The following PTGER3 variants were observed in gnomAD, a reference collection of about 807,000 sequenced individuals.
The protein encoded by PTGER3 is prostaglandin E receptor 3.
PTGER3 carries 22 observed loss-of-function variants against 34.7 expected under a neutral mutation model. The ratio of observed to expected loss-of-function variants is 0.63; its 90% confidence interval spans 0.45 to 0.91. The LOEUF is 0.91. PTGER3 is among the 40% of genes least tolerant of loss of function. PTGER3 has a pLI of 0.00. For synonymous variants in PTGER3, 241 were observed against 230.1 expected (o/e 1.05, Z -0.43); for missense variants, 468 against 519.4 (o/e 0.90, Z 0.96).
intron 1 of PTGER3, among the ~76,000 whole-genome samples, chr1:71,015,357 G>A (rs993275682): frequency 2.0e-5 from 3 of 152,194 alleles, no homozygotes; most frequent in Non-Finnish European, 2.9e-5. Context: ...ACATCAACAC[G>A]TAGGAACCCA....
chr1:70,935,066 G>T (rs1649076213), intron 4 of PTGER3, among the ~76,000 whole-genome samples: 1 of 152,072 alleles, frequency 6.6e-6, no homozygotes, highest in Non-Finnish European at 1.5e-5. Flanking sequence ...AGAGAAATAA[G>T]TCCATAGTGA....
chr1:70,934,291 C>A (rs747756254), intron 4 of PTGER3, among the ~76,000 whole-genome samples: 1 of 152,094 alleles, frequency 6.6e-6, no homozygotes, highest in Admixed American at 6.6e-5. Context: ...ATTAGGCTAC[C>A]GCATATTGTT....
rs578104837 is a variant in PTGER3, at chr1:71,019,817, G to C, written c.898-7333C>G. Among the ~76,000 whole-genome samples, 130 of 152,114 alleles carry C rather than the reference G, an allele frequency of 8.5e-4. 1 individual carries two copies. The highest frequency in any genetic ancestry group is 1.2e-3 in the Non-Finnish European group (81 of 68,012). On this transcript the variant is annotated intron_variant, in intron 1 of 3. Transcript: ENST00000306666. Reference sequence around the variant, plus strand: ...AGGAAACCCAGAAAAATTAATTTATGGGGGAGGAAATAAATTGGTTAGCTG... The same window carrying C: ...AGGAAACCCAGAAAAATTAATTTATCGGGGAGGAAATAAATTGGTTAGCTG...
At chr1:71,007,505 T>C in intron 2 of PTGER3, 1 of 985,392 alleles carries the variant, frequency 1.0e-6, no homozygotes, top group Non-Finnish European at 1.2e-6. Context: ...ATAAATGCAG[T>C]CGGTCCCTTC....
chr1:70,912,254 A>T (rs1327370928), intron 4 of PTGER3, among the ~76,000 whole-genome samples: 1 of 152,210 alleles, frequency 6.6e-6, no homozygotes, highest in East Asian at 1.9e-4. Context: ...TTTCTCCTCA[A>T]TCTAAAGCCT....
At chr1:70,938,273 C>T (rs952951159) in intron 4 of PTGER3, among the ~76,000 whole-genome samples, 2 of 152,124 alleles carry the variant, frequency 1.3e-5, no homozygotes, top group African/African-American at 4.8e-5. Flanking sequence ...GCCTGAGTAC[C>T]AGACTAGACA....
At chr1:71,019,327 A>G (rs1307819210) in intron 1 of PTGER3, among the ~76,000 whole-genome samples, 1 of 152,194 alleles carries the variant, frequency 6.6e-6, no homozygotes, top group African/African-American at 2.4e-5. Context: ...ACAGCCTCAT[A>G]TAACAAATGA....
At chr1:71,041,071 G>T (rs1303515854) in intron 1 of PTGER3, among the ~76,000 whole-genome samples, 1 of 152,184 alleles carries the variant, frequency 6.6e-6, no homozygotes, top group Non-Finnish European at 1.5e-5. Flanking sequence ...TTCTGTATAA[G>T]AATCAATTAC....
At chr1:70,877,748 C>A (rs980753410) in intron 4 of PTGER3, among the ~76,000 whole-genome samples, 1 of 152,004 alleles carries the variant, frequency 6.6e-6, no homozygotes, top group Admixed American at 6.6e-5. Flanking sequence ...TGTGGTAAAT[C>A]ACGTTTTAAT....
At chr1:70,999,377 G>C (rs1656273381) in intron 2 of PTGER3, among the ~76,000 whole-genome samples, 1 of 152,178 alleles carries the variant, frequency 6.6e-6, no homozygotes, top group African/African-American at 2.4e-5. Flanking sequence ...GTCAGTTGAA[G>C]AGAAAACTGG....
intron 4 of PTGER3, among the ~76,000 whole-genome samples, chr1:70,879,372 G>C (rs1646338904): frequency 6.6e-6 from 1 of 152,066 alleles, no homozygotes; most frequent in Non-Finnish European, 1.5e-5. Flanking sequence ...TCAGCTTCCT[G>C]AGTAGCTGGG....
At position 71,047,042 on chromosome 1, in the gene PTGER3, A is replaced by G. The variant is rs1254223821; in HGVS notation, c.536T>C (p.Leu179Pro). Residue 179 changes from leucine to proline, a missense_variant, in exon 1 of 4, where the codon CTC becomes CCC. Leu to Pro is a moderately conservative substitution (Grantham distance 98). Around this residue, in one of 5 missense-constraint regions of PTGER3, gnomAD observed 204 missense variants for 230.8 expected, o/e 0.88. Transcript: ENST00000306666. Reference sequence around the variant, plus strand: ...GGCGAGCACGGCCAGCCACACGCCGAGCAGCACAGCGCGGGTGGCACGCGT... The same window carrying G: ...GGCGAGCACGGCCAGCCACACGCCGGGCAGCACAGCGCGGGTGGCACGCGT... ...MKTRATRAVL[L>P]GVWLAVLAFA... The G allele has an allele frequency of 6.2e-7, 1 of 1,611,566 alleles. No homozygotes were observed. Among genetic ancestry groups the G allele is most frequent in the Non-Finnish European group, 8.5e-7 (1 of 1,179,282 alleles).
rs1020724942 is a variant in PTGER3, at chr1:70,865,932, T to C, written c.*24-13073A>G. 12 of 630,824 alleles carry C rather than the reference T, an allele frequency of 1.9e-5. No homozygotes were observed. In the African/African-American group the frequency reaches 2.3e-4, roughly 12 times the overall value. 39.1% of individuals were successfully genotyped at this position (630,824 alleles called of 1,614,324 possible). The stretch of plus-strand genomic sequence containing the variant: ...AAATTGCCACACCTTTCCTGGACTG[T>C]CATCCGGGAAATTCCTACTCATTTC... On this transcript the variant is annotated intron_variant, in intron 4 of 4. Coordinates refer to the PTGER3 transcript ENST00000370931.
intron 1 of PTGER3, among the ~76,000 whole-genome samples, chr1:71,014,773 G>C (rs962229721): frequency 6.6e-6 from 1 of 152,180 alleles, no homozygotes; most frequent in Admixed American, 6.5e-5. Context: ...AATGTCTGCT[G>C]TTTAAGCCAT....
intron 4 of PTGER3, among the ~76,000 whole-genome samples, chr1:70,944,407 C>A (rs1419609575): frequency 2.0e-5 from 3 of 152,036 alleles, no homozygotes; most frequent in Non-Finnish European, 2.9e-5. Flanking sequence ...GAAAAGAGTA[C>A]CTTTGAGAAT....
intron 4 of PTGER3, among the ~76,000 whole-genome samples, chr1:70,865,425 G>A (rs968984580): frequency 6.6e-6 from 1 of 152,020 alleles, no homozygotes; most frequent in Admixed American, 6.6e-5. Context: ...AGATTATGAG[G>A]GACCCCTTTA....
chr1:71,028,307 A>G (rs1659116187), intron 1 of PTGER3, among the ~76,000 whole-genome samples: 1 of 152,050 alleles, frequency 6.6e-6, no homozygotes, highest in African/African-American at 2.4e-5. Flanking sequence ...AGCACGTACT[A>G]CAGCTACCAC....
chr1:70,875,175 T>C (rs1354741100), intron 4 of PTGER3, among the ~76,000 whole-genome samples: 2 of 152,224 alleles, frequency 1.3e-5, no homozygotes, highest in Non-Finnish European at 2.9e-5. Flanking sequence ...GCCTTCTATG[T>C]CTCAATTTTA....
downstream of PTGER3, among the ~76,000 whole-genome samples, chr1:70,949,785 A>G (rs954567233): frequency 6.6e-6 from 1 of 152,182 alleles, no homozygotes; most frequent in African/African-American, 2.4e-5. Flanking sequence ...GATTACCAGT[A>G]GTTACATGTG....
Sources: gnomAD v4.1 joint callset for allele counts (sites outside exome capture counted in the v4.1 genomes callset) on GRCh38, gnomAD v4.1.1 for gene constraint, gnomAD v4.1.1 regional missense constraint, MANE v1.5 for transcripts, NCBI Gene and HGNC (gene_info 2026-07-23, HGNC 2026-07-21) for gene names.